NFIB: variants seen among roughly 807,000 people sequenced by gnomAD.
NFIB encodes nuclear factor 1 B-type.
NFIB carries 11 observed loss-of-function variants against 61.5 expected under a neutral mutation model. The ratio of observed to expected loss-of-function variants is 0.18; its 90% CI spans 0.11 to 0.30. NFIB has a LOEUF of 0.30. NFIB is among the 10% of genes least tolerant of loss of function. The pLI is 1.00. For missense variants in NFIB, 471 were observed against 608.9 expected, an observed-to-expected ratio of 0.77 and a Z score of 2.38; for synonymous variants, 260 against 216.5, an observed-to-expected ratio of 1.20 and a Z score of -1.76.
intron 10 of NFIB, among the ~76,000 whole-genome samples, chr9:14,107,986 G>A (rs1420187522): frequency 6.6e-6 from 1 of 152,102 alleles, no homozygotes; most frequent in Non-Finnish European, 1.5e-5. Flanking sequence ...GTAAAGGTAA[G>A]TGAACAAACC....
the NFIB span, among the ~76,000 whole-genome samples, chr9:14,528,111 C>G: frequency 6.6e-6 from 1 of 152,088 alleles, no homozygotes; most frequent in Admixed American, 6.6e-5. Flanking sequence ...AATTATATAT[C>G]TTTCACTTCA....
chr9:14,227,815 T>C (rs901145543), intron 2 of NFIB, among the ~76,000 whole-genome samples: 1 of 152,210 alleles, frequency 6.6e-6, no homozygotes, highest in Non-Finnish European at 1.5e-5. Context: ...CCCAAGTTAA[T>C]ATTGCTGTTT....
At chr9:14,118,912 G>A (rs1450777112) in intron 8 of NFIB, among the ~76,000 whole-genome samples, 3 of 151,344 alleles carry the variant, frequency 2.0e-5, no homozygotes, top group East Asian at 1.9e-4. Flanking sequence ...TGAAATATAC[G>A]TAAAACAAGC....
chr9:14,093,408 T>TA (rs1255456457), intron 10 of NFIB: 1 of 151,998 alleles, frequency 6.6e-6, no homozygotes, highest in Non-Finnish European at 1.5e-5. Context: ...TCAAGAAGCT[T>TA]AAAAAATATT....
chr9:14,305,980 A>C, intron 2 of NFIB: 6 of 1,358,430 alleles, frequency 4.4e-6, no homozygotes, highest in Non-Finnish European at 5.8e-6. Flanking sequence ...AAGGACATCT[A>C]TATCTTGATG....
exon 1 of NFIB, chr9:14,398,838 A>G: frequency 2.0e-6 from 1 of 499,776 alleles, no homozygotes. Flanking sequence ...ACAAGAACAA[A>G]GGGGTCCTGT....
At position 14,087,059 on chromosome 9, in the gene NFIB, C is replaced by A. The variant is rs570426697; in HGVS notation, c.*1250G>T. 1 of 202,912 alleles carries A rather than the reference C, an allele frequency of 4.9e-6. No individual in the cohort carries two copies. Among genetic ancestry groups the A allele is most frequent in the African/African-American group, 2.3e-5 (1 of 43,586 alleles). 12.6% of individuals were successfully genotyped at this position (202,912 alleles called of 1,614,324 possible). On this transcript the variant is annotated 3_prime_UTR_variant, in exon 11 of 11. Coordinates refer to ENST00000380953, the MANE Select transcript of NFIB (RefSeq NM_001190737.2). ...TTTTTATATCCTACACCCTGGCGTT[C>A]CCAGTTTGTAAACTGTAAGCTTTAC... is the stretch of plus-strand genomic sequence containing the variant.
chr9:14,489,219 G>A, the NFIB span, among the ~76,000 whole-genome samples: 1 of 152,196 alleles, frequency 6.6e-6, no homozygotes, highest in Non-Finnish European at 1.5e-5. Context: ...ATAAGCAAAA[G>A]TAGTTTCATG....
the NFIB span, among the ~76,000 whole-genome samples, chr9:14,457,485 T>A: frequency 0.071 from 10,713 of 151,430 alleles, 477 homozygotes; most frequent in South Asian, 0.19. Context: ...ATTCAAAAGC[T>A]AGCAGAAGGC....
At chr9:14,415,200 T>C in the NFIB span, among the ~76,000 whole-genome samples, 1 of 152,188 alleles carries the variant, frequency 6.6e-6, no homozygotes, top group Non-Finnish European at 1.5e-5. Context: ...ACTTTCTTGC[T>C]GGCTATTGAT....
At chr9:14,421,768 T>A in the NFIB span, among the ~76,000 whole-genome samples, 1 of 152,234 alleles carries the variant, frequency 6.6e-6, no homozygotes, top group Non-Finnish European at 1.5e-5. Flanking sequence ...GAGTTCATTT[T>A]CAATGAAAGT....
At chr9:14,483,756 G>C in the NFIB span, among the ~76,000 whole-genome samples, 1 of 152,202 alleles carries the variant, frequency 6.6e-6, no homozygotes, top group Non-Finnish European at 1.5e-5. Context: ...CATGGCTATG[G>C]TTCCTCAACA....
At chr9:14,140,790 T>C (rs1224046660) in intron 6 of NFIB, among the ~76,000 whole-genome samples, 1 of 152,042 alleles carries the variant, frequency 6.6e-6, no homozygotes, top group Non-Finnish European at 1.5e-5. Context: ...AAAAATTAGC[T>C]GGGCATGGTG....
chr9:14,390,132 T>G (rs1049279558), intron 1 of NFIB, among the ~76,000 whole-genome samples: 35 of 152,054 alleles, frequency 2.3e-4, no homozygotes, highest in Non-Finnish European at 3.4e-4. Context: ...CAGCACCACT[T>G]AAAGTTCATT....
chr9:14,301,685 T>C (rs2059760288), intron 2 of NFIB, among the ~76,000 whole-genome samples: 1 of 152,108 alleles, frequency 6.6e-6, no homozygotes, highest in African/African-American at 2.4e-5. Flanking sequence ...CTTCCCCAGC[T>C]GGCAACTGGG....
intron 2 of NFIB, among the ~76,000 whole-genome samples, chr9:14,229,740 GC>G (rs1322519913): frequency 6.6e-6 from 1 of 152,130 alleles, no homozygotes; most frequent in Non-Finnish European, 1.5e-5. Context: ...CCCTCACTGA[GC>G]CAACCATCTT....
chr9:14,322,778 C>A (rs374350114), intron 1 of NFIB, among the ~76,000 whole-genome samples: 2,536 of 152,016 alleles, frequency 0.017, 54 homozygotes, highest in African/African-American at 0.049. Context: ...GCGCCCCTCT[C>A]GAGCGTGGGT....
the NFIB span, among the ~76,000 whole-genome samples, chr9:14,500,853 AC>A: frequency 6.6e-6 from 1 of 151,972 alleles, no homozygotes; most frequent in South Asian, 2.1e-4. Context: ...CCTTCTGAAA[AC>A]CGCCCACTCC....
chr9:14,416,548 G>A, the NFIB span, among the ~76,000 whole-genome samples: 2,356 of 151,556 alleles, frequency 0.016, 66 homozygotes, highest in African/African-American at 0.054. Context: ...TAAAATACAA[G>A]AATGCTTACA....
Sources: gnomAD v4.1 joint callset for allele counts (sites outside exome capture counted in the v4.1 genomes callset) on GRCh38, gnomAD v4.1.1 for gene constraint, MANE v1.5 for transcripts, NCBI Gene and HGNC (gene_info 2026-07-23, HGNC 2026-07-21) for gene names.